Variants in COL11A1 observed in about 807,000 individuals in gnomAD.
COL11A1 encodes collagen alpha-1(XI) chain.
A neutral mutation model predicts 265.2 loss-of-function variants in COL11A1; 74 were observed. The ratio of observed to expected loss-of-function variants is 0.28; its 90% CI spans 0.23 to 0.34. The LOEUF is 0.34. Ranked by LOEUF, COL11A1 falls within the 10% of genes least tolerant of loss-of-function variation. The pLI, the probability that COL11A1 is intolerant of heterozygous loss-of-function variation, is 1.00. For synonymous variants in COL11A1, 816 were observed against 727.6 expected (o/e 1.12, Z -1.96); for missense variants, 2,165 against 2,263.6 (o/e 0.96, Z 0.88).
chr1:102,917,638 TTTG>T (rs1295460077), intron 49 of COL11A1, among the ~76,000 whole-genome samples: 2 of 151,914 alleles, frequency 1.3e-5, no homozygotes, highest in African/African-American at 2.4e-5. Flanking sequence ...CTCTATATGT[TTTG>T]TTGTTCTCTT....
rs771540002 is a variant in COL11A1 at position 102,961,961 on chromosome 1, A to C, written c.3115-42T>G. ...AAATAAAGAAAATGAATCCATATGA[A>C]TTGAATACCAATAGGAGGAGATATC... On this transcript the variant is annotated intron_variant, in intron 40 of 66. Transcript: ENST00000370096. 12 of 1,553,762 alleles carry C rather than the reference A, an allele frequency of 7.7e-6. No individual in the cohort carries two copies. In the South Asian group the frequency reaches 1.1e-4, roughly 15 times the overall value.
intron 57 of COL11A1, 45 bp from the exon 58 acceptor site, chr1:102,890,549 G>T: frequency 6.6e-7 from 1 of 1,522,556 alleles, no homozygotes; most frequent in Non-Finnish European, 8.9e-7. Context: ...AACAGAGTAG[G>T]TATGAATTAG....
intron 28 of COL11A1, among the ~76,000 whole-genome samples, chr1:102,993,234 C>T (rs564259603): frequency 1.3e-5 from 2 of 152,182 alleles, no homozygotes; most frequent in African/African-American, 4.8e-5. Context: ...GTATAGGCAA[C>T]CTACAAATTA....
At position 103,002,756 on chromosome 1, in the gene COL11A1, T is replaced by G. The variant is rs780468909; in HGVS notation, c.2034A>C (p.Lys678Asn). 6.2e-7 allele frequency: 1 copy of G among 1,611,966 alleles called. No individual in the cohort carries two copies. The highest frequency in any genetic ancestry group is 8.5e-7 in the Non-Finnish European group (1 of 1,178,378). ...MAGVDGPPGP[K>N]GNMGPQGEPG... Reference sequence around the variant, plus strand: ...ACTATTTGCTACATACCATGTTCCCTTTTGGTCCTGGGGGGCCATCTACAC... The same window carrying G: ...ACTATTTGCTACATACCATGTTCCCGTTTGGTCCTGGGGGGCCATCTACAC... Residue 678 changes from lysine (K) to asparagine (N), a missense_variant, in exon 22 of 67, where the codon AAA becomes AAC. Coordinates refer to ENST00000370096, the MANE Select transcript of COL11A1 (RefSeq NM_001854.4).
In COL11A1 at chr1:102,886,880, A is replaced by G. The variant is rs1651048123; in HGVS notation, c.4785T>C (p.Phe1595=). The G allele has an allele frequency of 6.2e-7, 1 of 1,613,758 alleles. No homozygotes were observed. Among genetic ancestry groups the G allele is most frequent in the Admixed American group, 1.7e-5 (1 of 59,968 alleles). The change falls in exon 63 of 67, where the codon TTT becomes TTC. Residue 1595 remains phenylalanine, a synonymous_variant. Transcript: ENST00000370096. ...SLKQDIEHMK[F]PMGTQTNPAR... ...CTGGATTGGTCTGAGTACCCATTGGAAATTTCATATGCTCAATGTCTTGTT... is the reference window on the plus strand; with the variant it reads ...CTGGATTGGTCTGAGTACCCATTGGGAATTTCATATGCTCAATGTCTTGTT...
intron 54 of COL11A1, among the ~76,000 whole-genome samples, chr1:102,911,245 T>G (rs1654636004): frequency 6.6e-6 from 1 of 152,168 alleles, no homozygotes; most frequent in Admixed American, 6.6e-5. Context: ...AATATATTTT[T>G]GGAAAGAGAA....
chr1:103,103,409 T>C (rs892858205), intron 1 of COL11A1, among the ~76,000 whole-genome samples: 7 of 151,990 alleles, frequency 4.6e-5, no homozygotes, highest in African/African-American at 1.7e-4. Context: ...TACAAAACTA[T>C]GTTCTTAATC....
At chr1:102,988,344 C>A (rs554588664) in intron 29 of COL11A1, among the ~76,000 whole-genome samples, 59 of 152,242 alleles carry the variant, frequency 3.9e-4, no homozygotes, top group Non-Finnish European at 5.9e-4. Context: ...CTTTAAAAAA[C>A]CCTATCCTCC....
In COL11A1 at chr1:103,085,524, C is replaced by T. The variant is rs546291399; in HGVS notation, c.107-2552G>A. ...GCCACATAGTGGCCCTGACTGGGAA[C>T]GGACTTTTTTTTTTTCTTATCAACA... is the stretch of plus-strand genomic sequence containing the variant. On this transcript the variant is annotated intron_variant, in intron 1 of 66. Transcript: ENST00000370096. Among the ~76,000 whole-genome samples the T allele has an allele frequency of 2.8e-3, 292 of 102,644 alleles. 2 individuals carry two copies. Among genetic ancestry groups the T allele is most frequent in the African/African-American group, 7.2e-3 (279 of 38,944 alleles). The allele number at this position is 102,644 out of a possible 152,430, so 67.3% of individuals were successfully genotyped here.
At chr1:103,049,041 G>A (rs1669559167) in intron 4 of COL11A1, among the ~76,000 whole-genome samples, 2 of 152,136 alleles carry the variant, frequency 1.3e-5, no homozygotes, top group Admixed American at 6.6e-5. Flanking sequence ...TTTTGGAATA[G>A]GTGTGGTGTG....
At chr1:103,031,053 A>G in intron 5 of COL11A1, 63 bp downstream of exon 5, 2 of 1,576,302 alleles carry the variant, frequency 1.3e-6, no homozygotes, top group Non-Finnish European at 1.7e-6. Context: ...TAAGTTCAAA[A>G]ACTGCACTGC....
At chr1:103,024,070 A>T (rs1667326583) in intron 7 of COL11A1, among the ~76,000 whole-genome samples, 1 of 152,134 alleles carries the variant, frequency 6.6e-6, no homozygotes, top group Non-Finnish European at 1.5e-5. Flanking sequence ...CCGACTTATC[A>T]TGTGAATATT....
intron 46 of COL11A1, among the ~76,000 whole-genome samples, chr1:102,933,572 A>G (rs1169619677): frequency 1.3e-5 from 2 of 152,178 alleles, no homozygotes; most frequent in African/African-American, 4.8e-5. Flanking sequence ...CCAGAGGTGG[A>G]GCCTACAGAG....
At chr1:102,902,946 T>C (rs1205565003) in intron 54 of COL11A1, among the ~76,000 whole-genome samples, 1 of 151,908 alleles carries the variant, frequency 6.6e-6, no homozygotes. Context: ...TCTGTCATTA[T>C]AACCAGTTAA....
chr1:102,910,612 C>T (rs1292702490), intron 54 of COL11A1, among the ~76,000 whole-genome samples: 2 of 152,022 alleles, frequency 1.3e-5, no homozygotes, highest in Admixed American at 1.3e-4. Context: ...TCCCTGTGCT[C>T]AGAAGTGTTT....
intron 48 of COL11A1, among the ~76,000 whole-genome samples, chr1:102,921,038 T>C (rs1442355513): frequency 6.6e-6 from 1 of 152,162 alleles, no homozygotes; most frequent in Non-Finnish European, 1.5e-5. Context: ...ATTTTTAAGC[T>C]TGGAGAATAT....
At chr1:102,924,041 C>G (rs923905794) in intron 46 of COL11A1, among the ~76,000 whole-genome samples, 2 of 112,758 alleles carry the variant, frequency 1.8e-5, no homozygotes, top group African/African-American at 7.4e-5. Flanking sequence ...AACCCCGTCT[C>G]AACTAAAAAT....
intron 4 of COL11A1, among the ~76,000 whole-genome samples, chr1:103,051,867 A>G (rs572960515): frequency 3.3e-5 from 5 of 152,344 alleles, no homozygotes; most frequent in African/African-American, 1.2e-4. Flanking sequence ...TTGGCTCAGG[A>G]TAGTTCCACA....
chr1:103,083,032 G>A, intron 1 of COL11A1, 60 bp from the exon 2 acceptor site: 7 of 1,502,534 alleles, frequency 4.7e-6, no homozygotes, highest in Non-Finnish European at 6.4e-6. Context: ...ATAACAATGA[G>A]TATTTTTAAC....
Sources: allele counts gnomAD v4.1 joint callset (sites outside exome capture counted in the v4.1 genomes callset), GRCh38; gene constraint gnomAD v4.1.1; transcripts MANE v1.5; gene names NCBI Gene and HGNC (gene_info 2026-07-23, HGNC 2026-07-21).